Variants in KIF15 observed in about 807,000 individuals in gnomAD.
KIF15 encodes the protein kinesin-like protein KIF15.
A neutral mutation model predicts 190.6 loss-of-function variants in KIF15; 140 were observed. The ratio of observed to expected loss-of-function variants is 0.73; its 90% CI spans 0.64 to 0.84. The LOEUF is 0.84. KIF15 is among the 40% of genes least tolerant of loss of function. The probability of loss-of-function intolerance (pLI) is 0.00; values close to 1 mark genes in which losing one functional copy is unlikely to be tolerated. For missense variants in KIF15, 1,372 were observed against 1,584.4 expected (o/e 0.87, Z 2.28); for synonymous variants, 528 against 551.3 (o/e 0.96, Z 0.59).
chr3:44,840,622 G>T (rs996525587), intron 28 of KIF15, among the ~76,000 whole-genome samples, 166 bp downstream of exon 28: 3 of 144,718 alleles, frequency 2.1e-5, no homozygotes, highest in Non-Finnish European at 3.0e-5. Context: ...TTATTTCCTT[G>T]GAAAAGAATT....
At chr3:44,808,298 C>T (rs1197745291) in intron 16 of KIF15, among the ~76,000 whole-genome samples, 1 of 152,164 alleles carries the variant, frequency 6.6e-6, no homozygotes, top group East Asian at 1.9e-4. Flanking sequence ...ACTGAGCAAA[C>T]AGGACTCAGA....
chr3:44,840,692 G>A (rs1291638163), intron 28 of KIF15, among the ~76,000 whole-genome samples: 1 of 112,578 alleles, frequency 8.9e-6, no homozygotes, highest in Admixed American at 1.1e-4. Flanking sequence ...TTTGGCAGAT[G>A]GAGTCTTGCT....
At chr3:44,776,903 A>G (rs1213232936) in intron 3 of KIF15, among the ~76,000 whole-genome samples, 10 of 152,012 alleles carry the variant, frequency 6.6e-5, no homozygotes, top group Admixed American at 6.6e-4. Context: ...GTTAGTGTGT[A>G]TGAAGAACTG....
At chr3:44,779,131 T>A (rs1230229825) in intron 4 of KIF15, among the ~76,000 whole-genome samples, 1 of 152,230 alleles carries the variant, frequency 6.6e-6, no homozygotes, top group Non-Finnish European at 1.5e-5. Flanking sequence ...TTGTTCTTGT[T>A]GTTCCAGCTT....
At chr3:44,863,300 A>ACCCCCACCCCCCCCCCCCC (rs1699280600) in intron 6 of KIF15, 1 of 35,060 alleles carries the variant, frequency 2.9e-5, no homozygotes, top group Non-Finnish European at 5.8e-5. Flanking sequence ...TAGATTCCGC[A>ACCCCCACCCCCCCCCCCCC]CCCCCCCCCC....
At chr3:44,797,404 T>C (rs1267674162) in intron 8 of KIF15, 147 bp from the exon 9 acceptor site, 1 of 742,188 alleles carries the variant, frequency 1.3e-6, no homozygotes, top group Admixed American at 2.8e-5. Flanking sequence ...CACTTCTTTT[T>C]TATTTGTTGA....
chr3:44,818,672 G>A (rs554691799), intron 20 of KIF15, among the ~76,000 whole-genome samples: 5 of 152,230 alleles, frequency 3.3e-5, no homozygotes, highest in African/African-American at 4.8e-5. Context: ...TTTTTGCATC[G>A]ATGTTCATCA....
chr3:44,862,138 G>GTGC (rs771557887), intron 6 of KIF15: 43 of 1,197,066 alleles, frequency 3.6e-5, no homozygotes, highest in Admixed American at 2.2e-4. Context: ...GGCGCTGTTG[G>GTGC]TGCTGCTGCT....
chr3:44,826,907 C>T (rs941624824), intron 22 of KIF15: 8 of 394,952 alleles, frequency 2.0e-5, no homozygotes, highest in Non-Finnish European at 4.1e-5. Context: ...GGGCCTCGGT[C>T]ACTAGGCTGA....
chr3:44,830,101 T>A, intron 25 of KIF15, 26 bp downstream of exon 25: 1 of 1,324,838 alleles, frequency 7.5e-7, no homozygotes. Context: ...AACAAGATGT[T>A]AAATTTGAGC....
intron 10 of KIF15, chr3:44,799,098 G>C (rs1707132158): frequency 1.5e-5 from 5 of 344,662 alleles, no homozygotes; most frequent in South Asian, 1.1e-4. Context: ...AGTCTCTTAA[G>C]ATTTACTAGA....
chr3:44,867,890 A>G (rs1699337832), intron 6 of KIF15, among the ~76,000 whole-genome samples: 1 of 152,204 alleles, frequency 6.6e-6, no homozygotes. Flanking sequence ...TGGATGATGG[A>G]TTGAACTTTG....
At chr3:44,806,492 A>G (rs1707506557) in intron 16 of KIF15, among the ~76,000 whole-genome samples, 1 of 152,256 alleles carries the variant, frequency 6.6e-6, no homozygotes, top group African/African-American at 2.4e-5. Flanking sequence ...AAATAACCAC[A>G]TCCCTCATAA....
At chr3:44,794,477 T>A (rs1385349930) in intron 8 of KIF15, 51 bp downstream of exon 8, 1 of 1,373,586 alleles carries the variant, frequency 7.3e-7, no homozygotes, top group Admixed American at 2.0e-5. Flanking sequence ...TTACTAGCAG[T>A]CAATACAGTC....
intron 5 of KIF15, among the ~76,000 whole-genome samples, chr3:44,783,418 C>G (rs1477924350): frequency 6.6e-6 from 1 of 152,110 alleles, no homozygotes; most frequent in African/African-American, 2.4e-5. Flanking sequence ...TCTCCAACAA[C>G]TAGTTCTCTT....
At chr3:44,806,305 T>G (rs919072947) in intron 16 of KIF15, among the ~76,000 whole-genome samples, 3 of 152,258 alleles carry the variant, frequency 2.0e-5, no homozygotes, top group Non-Finnish European at 4.4e-5. Context: ...TGCAGAGTTT[T>G]AGAGTACTAA....
At chr3:44,821,082 AC>A (rs1289521974) in intron 20 of KIF15, among the ~76,000 whole-genome samples, 9 of 111,362 alleles carry the variant, frequency 8.1e-5, no homozygotes, top group Admixed American at 3.8e-4. Context: ...TGGCGGGCTG[AC>A]CCCCCCCACC....
intron 8 of KIF15, among the ~76,000 whole-genome samples, chr3:44,795,265 G>C: frequency 6.6e-6 from 1 of 152,268 alleles, no homozygotes; most frequent in East Asian, 1.9e-4. Context: ...GGTAGGGAGA[G>C]AGAAACAGGA....
chr3:44,812,125 G>A, intron 17 of KIF15, 57 bp from the exon 18 acceptor site: 3 of 1,250,576 alleles, frequency 2.4e-6, no homozygotes, highest in Non-Finnish European at 3.5e-6. Flanking sequence ...CGAAATGGTG[G>A]AATGTTTGAG....
Sources: gnomAD v4.1 joint callset for allele counts (sites outside exome capture counted in the v4.1 genomes callset) on GRCh38, gnomAD v4.1.1 for gene constraint, MANE v1.5 for transcripts, NCBI Gene and HGNC (gene_info 2026-07-23, HGNC 2026-07-21) for gene names.